ERC2: variants seen among roughly 807,000 people sequenced by gnomAD.
ERC2 encodes ELKS/RAB6-interacting/CAST family member 2, also known as ERC protein 2.
ERC2 carries 42 observed loss-of-function variants against 114.8 expected under a neutral mutation model. The observed-to-expected ratio is 0.37, with a 90% CI of 0.29 to 0.47. The LOEUF (loss-of-function observed/expected upper bound fraction) is 0.47. Among genes scored for constraint, ERC2 ranks in the 20% least tolerant of loss-of-function variants. The pLI, the probability that ERC2 is intolerant of heterozygous loss-of-function variation, is 0.99. For missense variants in ERC2, 939 were observed against 1,150.7 expected (o/e 0.82, Z 2.66); for synonymous variants, 454 against 425.5 (o/e 1.07, Z -0.82).
intron 2 of ERC2, among the ~76,000 whole-genome samples, chr3:56,422,078 C>T (rs2061409941): frequency 6.6e-6 from 1 of 152,080 alleles, no homozygotes; most frequent in Non-Finnish European, 1.5e-5. Flanking sequence ...AGTGTATCAC[C>T]CCAGTGAGGT....
chr3:56,020,001 C>T (rs2073592820), intron 7 of ERC2, among the ~76,000 whole-genome samples: 1 of 152,296 alleles, frequency 6.6e-6, no homozygotes, highest in Non-Finnish European at 1.5e-5. Context: ...ACAATGTACA[C>T]TCAAACAAAT....
At chr3:56,224,632 A>G (rs982656655) in intron 3 of ERC2, among the ~76,000 whole-genome samples, 3 of 152,184 alleles carry the variant, frequency 2.0e-5, no homozygotes, top group African/African-American at 7.2e-5. Context: ...CACACCATGC[A>G]AACACTGAAA....
chr3:56,338,559 G>A (rs537008191), intron 2 of ERC2, among the ~76,000 whole-genome samples: 1 of 152,094 alleles, frequency 6.6e-6, no homozygotes, highest in African/African-American at 2.4e-5. Context: ...ATACTCCCAG[G>A]GTCAGCCCCT....
At chr3:56,293,124 AAATGAATG>A (rs1287404592) in intron 3 of ERC2, among the ~76,000 whole-genome samples, 1 of 152,262 alleles carries the variant, frequency 6.6e-6, no homozygotes, top group East Asian at 1.9e-4. Context: ...ATGAATGAAT[AAATGAATG>A]AATGAATGAG....
chr3:56,165,449 T>C (rs2082273883), intron 4 of ERC2, among the ~76,000 whole-genome samples: 1 of 151,386 alleles, frequency 6.6e-6, no homozygotes, highest in Admixed American at 6.6e-5. Flanking sequence ...TAGGTATATC[T>C]CCTAATGCTA....
chr3:56,159,796 T>C (rs1355607413), intron 4 of ERC2, among the ~76,000 whole-genome samples: 1 of 152,212 alleles, frequency 6.6e-6, no homozygotes, highest in Non-Finnish European at 1.5e-5. Flanking sequence ...CTTAGGATAA[T>C]GGCCTCCAGC....
At chr3:56,230,059 T>C (rs1359189056) in intron 3 of ERC2, among the ~76,000 whole-genome samples, 1 of 151,754 alleles carries the variant, frequency 6.6e-6, no homozygotes, top group African/African-American at 2.4e-5. Context: ...AGAGACAGGG[T>C]TTCACCATAT....
chr3:56,435,078 C>T lies in ERC2; in HGVS notation c.-71G>A. 2 of 1,182,766 alleles carry T rather than the reference C, an allele frequency of 1.7e-6. No homozygotes were observed. The highest frequency in any genetic ancestry group is 3.1e-5 in the South Asian group (2 of 64,312). The allele number at this position is 1,182,766 out of a possible 1,614,324, so 73.3% of individuals were successfully genotyped here. A position where few individuals can be genotyped will look rare whatever the true frequency, so the allele number is the denominator to read the frequency against. On this transcript the variant is annotated 5_prime_UTR_variant, in exon 2 of 18. Coordinates refer to ENST00000288221, the MANE Select transcript of ERC2 (RefSeq NM_015576.3). ...TAAGTTGGGGTTTGAGCTAATATTT[C>T]CACGATTGTCCAGAATTTTCACCGC... is the stretch of plus-strand genomic sequence containing the variant.
At chr3:55,955,825 A>G (rs1451076074) in intron 12 of ERC2, among the ~76,000 whole-genome samples, 1 of 152,194 alleles carries the variant, frequency 6.6e-6, no homozygotes, top group Non-Finnish European at 1.5e-5. Flanking sequence ...AGCCATATGA[A>G]TCTTCTAGGG....
intron 2 of ERC2, among the ~76,000 whole-genome samples, chr3:56,405,887 C>CTTTTTTTTTT (rs72095902): frequency 0.017 from 1,453 of 84,302 alleles, 8 homozygotes; most frequent in African/African-American, 0.021. Flanking sequence ...ACTTTTTTTT[C>CTTTTTTTTTT]TTTTTTTTTT....
At chr3:55,765,791 G>A (rs993756603) in intron 14 of ERC2, among the ~76,000 whole-genome samples, 3 of 152,282 alleles carry the variant, frequency 2.0e-5, no homozygotes, top group South Asian at 2.1e-4. Context: ...CGTCTGTAAC[G>A]TCTCTATTCC....
chr3:55,723,765 C>G (rs1464072578), intron 15 of ERC2, among the ~76,000 whole-genome samples: 2 of 152,136 alleles, frequency 1.3e-5, no homozygotes, highest in Non-Finnish European at 2.9e-5. Flanking sequence ...AAGGACAGAC[C>G]TGGTGTGCAC....
intron 13 of ERC2, among the ~76,000 whole-genome samples, chr3:55,942,532 C>G (rs1457575403): frequency 6.6e-6 from 1 of 150,854 alleles, no homozygotes; most frequent in Non-Finnish European, 1.5e-5. Flanking sequence ...CTCCTGACCT[C>G]GTGATCCGCC....
chr3:55,832,722 C>G (rs2060662971), intron 14 of ERC2, among the ~76,000 whole-genome samples: 1 of 152,352 alleles, frequency 6.6e-6, no homozygotes, highest in Admixed American at 6.5e-5. Flanking sequence ...CAAAGGAACG[C>G]AGTTCCTCAC....
At chr3:56,137,037 A>C (rs1575554034) in intron 6 of ERC2, among the ~76,000 whole-genome samples, 1 of 152,328 alleles carries the variant, frequency 6.6e-6, no homozygotes, top group South Asian at 2.1e-4. Flanking sequence ...TTTTTCATGA[A>C]ATATGTATAG....
At chr3:56,395,859 G>T (rs2060287398) in intron 2 of ERC2, among the ~76,000 whole-genome samples, 1 of 152,204 alleles carries the variant, frequency 6.6e-6, no homozygotes, top group African/African-American at 2.4e-5. Context: ...ATTGAAGACT[G>T]CTATACCTTG....
chr3:56,115,466 T>C (rs766432544), intron 6 of ERC2, among the ~76,000 whole-genome samples: 7 of 152,088 alleles, frequency 4.6e-5, no homozygotes, highest in Non-Finnish European at 8.8e-5. Context: ...TCAGGTGTAG[T>C]TGAAAAGGGC....
intron 17 of ERC2, among the ~76,000 whole-genome samples, chr3:55,622,812 C>G (rs533611292): frequency 6.6e-6 from 1 of 151,940 alleles, no homozygotes; most frequent in Non-Finnish European, 1.5e-5. Flanking sequence ...TGAGTTCCTC[C>G]TCCTCATATT....
chr3:56,231,221 C>T (rs2050597324), intron 3 of ERC2, among the ~76,000 whole-genome samples: 1 of 152,214 alleles, frequency 6.6e-6, no homozygotes. Flanking sequence ...CTGGATGACT[C>T]CTTCTGCATT....
Sources: gnomAD v4.1 joint callset for allele counts (sites outside exome capture counted in the v4.1 genomes callset) on GRCh38, gnomAD v4.1.1 for gene constraint, MANE v1.5 for transcripts, NCBI Gene and HGNC (gene_info 2026-07-23, HGNC 2026-07-21) for gene names.